GBF1: variants seen among roughly 807,000 people sequenced by gnomAD.
The protein encoded by GBF1 is Golgi-specific brefeldin A-resistance guanine nucleotide exchange factor 1.
In GBF1, 114 loss-of-function variants were observed where a neutral mutation model predicts 210.5. The observed-to-expected ratio is 0.54, with a 90% CI of 0.47 to 0.63. GBF1 has a LOEUF of 0.63. GBF1 is among the 30% of genes least tolerant of loss of function. The pLI, the probability that GBF1 is intolerant of heterozygous loss-of-function variation, is 0.00. For synonymous variants in GBF1, 850 were observed against 889.2 expected, an observed-to-expected ratio of 0.96 and a Z score of 0.78; for missense variants, 1,851 against 2,357.7, an observed-to-expected ratio of 0.79 and a Z score of 4.45.
chr10:102,356,593 G>A (rs545949684), intron 8 of GBF1, among the ~76,000 whole-genome samples: 68 of 152,056 alleles, frequency 4.5e-4, no homozygotes, highest in African/African-American at 1.2e-3. Context: ...GTGAAACCCC[G>A]TCTCTACTAA....
the GBF1 span, chr10:102,232,039 A>G: frequency 3.8e-5 from 61 of 1,606,370 alleles, no homozygotes; most frequent in East Asian, 4.9e-4. Context: ...GCGACAGGGC[A>G]GGGCTCCGGG....
At chr10:102,373,193 C>A (rs1046982816) in intron 29 of GBF1, among the ~76,000 whole-genome samples, 2 of 152,132 alleles carry the variant, frequency 1.3e-5, no homozygotes, top group Admixed American at 1.3e-4. Flanking sequence ...AGAAAATGGA[C>A]AAAACATAGG....
intron 3 of GBF1, among the ~76,000 whole-genome samples, chr10:102,310,490 C>G (rs890651722): frequency 6.6e-6 from 1 of 152,136 alleles, no homozygotes; most frequent in Non-Finnish European, 1.5e-5. Context: ...CTGGCATTCC[C>G]TAGACTAGAG....
chr10:102,375,021 A>AG (rs1317376634), intron 29 of GBF1, among the ~76,000 whole-genome samples: 1 of 151,828 alleles, frequency 6.6e-6, no homozygotes, highest in African/African-American at 2.4e-5. Context: ...AAAGAAAAAA[A>AG]AAATTAGCCA....
At chr10:102,381,954 A>G (rs2060885122) in intron 39 of GBF1, 102 bp from the exon 40 acceptor site, 2 of 1,011,124 alleles carry the variant, frequency 2.0e-6, no homozygotes, top group Non-Finnish European at 1.4e-6. Context: ...GCTTACTGGA[A>G]CAAGGAGGAA....
Position 102,314,141 on chromosome 10 carries a change from C to CTTTTT in GBF1, c.164-29895_164-29891dup, listed in dbSNP as rs753694140. 3.8e-4 allele frequency among the ~76,000 whole-genome samples: 46 copies of CTTTTT among 119,914 alleles called. 1 individual carries two copies. Among genetic ancestry groups the CTTTTT allele is most frequent in the African/African-American group, 1.3e-3 (43 of 33,008 alleles). The allele number at this position is 119,914 out of a possible 152,430, so 78.7% of individuals were successfully genotyped here. On this transcript the variant is annotated intron_variant, in intron 3 of 39. Transcript: ENST00000369983. ...GGAAGAAGAAATCCTTTAAACATAT[C>CTTTTT]TTTTTTTTTTTTTTTTTTTCTGGAG...
At chr10:102,382,028 G>T in intron 39 of GBF1, 28 bp from the exon 40 acceptor site, 1 of 1,517,836 alleles carries the variant, frequency 6.6e-7, no homozygotes, top group South Asian at 1.3e-5. Flanking sequence ...AAGGGAATCT[G>T]ACTGTAACCA....
At chr10:102,320,150 A>G (rs747116580) in intron 3 of GBF1, among the ~76,000 whole-genome samples, 5 of 152,194 alleles carry the variant, frequency 3.3e-5, no homozygotes, top group South Asian at 2.1e-4. Flanking sequence ...ATCTGAAGCT[A>G]TCTTTTTATT....
chr10:102,317,614 A>G (rs1589613617), intron 3 of GBF1, among the ~76,000 whole-genome samples: 1 of 152,274 alleles, frequency 6.6e-6, no homozygotes, highest in East Asian at 1.9e-4. Flanking sequence ...GCAAGACTAC[A>G]TCTTTAAAAA....
intron 3 of GBF1, among the ~76,000 whole-genome samples, chr10:102,265,283 G>C (rs946859260): frequency 6.6e-6 from 1 of 152,186 alleles, no homozygotes; most frequent in African/African-American, 2.4e-5. Flanking sequence ...TTTGCCTCCA[G>C]ATATAGTCTG....
intron 2 of GBF1, among the ~76,000 whole-genome samples, chr10:102,259,342 T>C (rs1265593807): frequency 6.6e-6 from 1 of 152,196 alleles, no homozygotes; most frequent in Non-Finnish European, 1.5e-5. Flanking sequence ...TCTAATTCTT[T>C]AGGGCTATAA....
At chr10:102,268,905 A>G (rs2074134464) in intron 3 of GBF1, among the ~76,000 whole-genome samples, 1 of 152,250 alleles carries the variant, frequency 6.6e-6, no homozygotes, top group Non-Finnish European at 1.5e-5. Context: ...AATGGAGATA[A>G]GATCATTTCA....
intron 3 of GBF1, among the ~76,000 whole-genome samples, chr10:102,270,435 A>G (rs912209489): frequency 3.9e-5 from 6 of 152,210 alleles, no homozygotes; most frequent in African/African-American, 1.4e-4. Flanking sequence ...AGTGTGAGCC[A>G]CTGTGCCCGG....
rs1479098130 is a variant in GBF1, at chr10:102,353,622, C to T, written c.607C>T (p.Pro203Ser). The T allele has an allele frequency of 1.2e-6, 2 of 1,608,676 alleles. No individual in the cohort carries two copies. Among genetic ancestry groups the T allele is most frequent in the African/African-American group, 2.7e-5 (2 of 74,766 alleles). ...FTRLPQFKEEPKNYVGTNMKK... is the reference protein window; with the variant it reads ...FTRLPQFKEESKNYVGTNMKK... The stretch of plus-strand genomic sequence containing the variant: ...TAGGTTACCTCAGTTTAAAGAAGAA[C>T]CCAAGAACTATGTGGGGACCAACAT... Residue 203 changes from proline (P) to serine (S), a missense_variant, in exon 8 of 40, where the codon CCC (proline) becomes TCC (serine). Pro to Ser is a moderately conservative substitution (Grantham distance 74). Transcript: ENST00000369983.
chr10:102,369,577 T>C, intron 24 of GBF1, 134 bp from the exon 25 acceptor site: 1 of 910,206 alleles, frequency 1.1e-6, no homozygotes, highest in Non-Finnish European at 1.7e-6. Flanking sequence ...GTAGATGCCA[T>C]TGCCAGTCAC....
intron 3 of GBF1, among the ~76,000 whole-genome samples, chr10:102,284,591 G>C (rs1179474350): frequency 6.6e-6 from 1 of 152,140 alleles, no homozygotes; most frequent in Non-Finnish European, 1.5e-5. Context: ...ACATGAATCA[G>C]CACTTCAATT....
chr10:102,317,876 C>T (rs2055968626), intron 3 of GBF1, among the ~76,000 whole-genome samples: 1 of 151,212 alleles, frequency 6.6e-6, no homozygotes, highest in African/African-American at 2.4e-5. Context: ...TAAGAGCTTC[C>T]TGTTGTTGGT....
In GBF1 at chr10:102,358,069, T is replaced by G. The variant is rs920305351; in HGVS notation, c.670T>G (p.Ser224Ala). ...AATGAGAGCCGGAGGCATGAGTGAT[T>G]CATCCAAATGGAAGAAACAGAAGAG... ...LKMRAGGMSD[S>A]SKWKKQKRSP... The change falls in exon 9 of 40, where the codon TCA becomes GCA. Residue 224 changes from serine to alanine, a missense_variant. Coordinates refer to ENST00000369983, the MANE Select transcript of GBF1 (RefSeq NM_001377137.1). 6.2e-7 allele frequency: 1 copy of G among 1,609,350 alleles called. No individual in the cohort carries two copies. The highest frequency in any genetic ancestry group is 8.5e-7 in the Non-Finnish European group (1 of 1,175,794).
At chr10:102,334,025 GATTT>G (rs2057538652) in intron 3 of GBF1, among the ~76,000 whole-genome samples, 2 of 152,258 alleles carry the variant, frequency 1.3e-5, no homozygotes, top group East Asian at 3.9e-4. Flanking sequence ...ATCATGCTAT[GATTT>G]ATTAGTCTGT....
Sources: allele counts gnomAD v4.1 joint callset (sites outside exome capture counted in the v4.1 genomes callset), GRCh38; gene constraint gnomAD v4.1.1; transcripts MANE v1.5; gene names NCBI Gene and HGNC (gene_info 2026-07-23, HGNC 2026-07-21).